ACSM4: variants seen among roughly 807,000 people sequenced by gnomAD.
ACSM4 encodes the protein acyl-CoA synthetase medium chain family member 4.
In ACSM4, 66 loss-of-function variants were observed where a neutral mutation model predicts 73.0. The observed-to-expected ratio is 0.90, with a 90% CI of 0.74 to 1.11. The LOEUF (loss-of-function observed/expected upper bound fraction) is 1.11, where lower values mean the gene tolerates loss of function less well. ACSM4 is among the 50% of genes least tolerant of loss of function. ACSM4 has a pLI of 0.00. For missense variants in ACSM4, 645 were observed against 714.4 expected, an observed-to-expected ratio of 0.90 and a Z score of 1.11; for synonymous variants, 222 against 254.0, an observed-to-expected ratio of 0.87 and a Z score of 1.20.
In ACSM4 at chr12:7,304,421, G is replaced by A. The variant is rs760878212; in HGVS notation, c.90G>A (p.Trp30Ter). 6.2e-7 allele frequency: 1 copy of A among 1,613,958 alleles called. No homozygotes were observed. Among genetic ancestry groups the A allele is most frequent in the East Asian group, 2.2e-5 (1 of 44,884 alleles). The change falls in exon 1 of 13, where the codon TGG becomes TGA. Residue 30 changes from tryptophan to a stop codon, truncating the protein, a stop_gained. Coordinates refer to ENST00000399422, the MANE Select transcript of ACSM4 (RefSeq NM_001080454.2). LOFTEE classifies it high-confidence loss of function. The part of the protein sequence containing the change: ...GRRLHKDHQL[W>*]TPLTLADFEA... ...GCTTACACAAAGATCACCAGCTTTG[G>A]ACGCCTCTGACTCTTGCTGACTTTG... is the stretch of plus-strand genomic sequence containing the variant.
chr12:7,323,809 G>A (rs1250691513), intron 9 of ACSM4, among the ~76,000 whole-genome samples: 1 of 152,210 alleles, frequency 6.6e-6, no homozygotes, highest in Admixed American at 6.5e-5. Flanking sequence ...GGGGGTGCTA[G>A]AGGTAGAAGA....
Position 7,304,304 on chromosome 12 carries a change from T to C in ACSM4, c.-28T>C, listed in dbSNP as rs771193975. The C allele has an allele frequency of 5.0e-6, 8 of 1,604,100 alleles. No individual in the cohort carries two copies. The highest frequency in any genetic ancestry group is 3.3e-5 in the South Asian group (3 of 90,838). Reference sequence around the variant, plus strand: ...ACAGGCTGTAGTACTTCTGTGTCCATAGCAGTAGACAAAGTCCTTTGGGAA... The same window carrying C: ...ACAGGCTGTAGTACTTCTGTGTCCACAGCAGTAGACAAAGTCCTTTGGGAA... On this transcript the variant is annotated 5_prime_UTR_variant, in exon 1 of 13. The change abolishes the stop of an existing upstream ORF in the 5' untranslated region. Transcript: ENST00000399422.
chr12:7,326,753 A>G (rs1390153004), intron 11 of ACSM4, among the ~76,000 whole-genome samples: 1 of 152,200 alleles, frequency 6.6e-6, no homozygotes, highest in Non-Finnish European at 1.5e-5. Flanking sequence ...GCTTTCTTGA[A>G]CTGCTGCACT....
intron 3 of ACSM4, among the ~76,000 whole-genome samples, chr12:7,312,329 G>A (rs1946395789): frequency 6.6e-6 from 1 of 152,162 alleles, no homozygotes; most frequent in South Asian, 2.1e-4. Flanking sequence ...TATCTCAAGT[G>A]TTGTTTTGAG....
intron 11 of ACSM4, among the ~76,000 whole-genome samples, chr12:7,325,105 G>C (rs1261650895): frequency 6.6e-6 from 1 of 152,202 alleles, no homozygotes; most frequent in African/African-American, 2.4e-5. Flanking sequence ...GCCTACCTTA[G>C]ATCACATCTC....
rs905195502 is a variant in ACSM4 at position 7,318,147 on chromosome 12, C to T, written c.886C>T (p.Arg296Ter). 2.1e-5 allele frequency: 34 copies of T among 1,613,516 alleles called. No homozygotes were observed. Among genetic ancestry groups the T allele is most frequent in the Non-Finnish European group, 2.4e-5 (28 of 1,179,820 alleles). Residue 296 changes from arginine (R) to a stop codon, truncating the protein, a stop_gained, in exon 5 of 13, where the codon CGA (arginine) becomes TGA (stop). Transcript: ENST00000399422. LOFTEE classifies it high-confidence loss of function. ...WLCGACVFVH[R>*]MAQFDTDTFL... is the part of the protein sequence containing the mutation. Reference sequence around the variant, plus strand: ...GTGTGGAGCCTGTGTTTTTGTGCATCGAATGGCACAGTTTGACACTGACAC... The same window carrying T: ...GTGTGGAGCCTGTGTTTTTGTGCATTGAATGGCACAGTTTGACACTGACAC...
At position 7,327,006 on chromosome 12, in the gene ACSM4, C is replaced by T; in HGVS notation, c.1567C>T (p.Pro523Ser). The T allele has an allele frequency of 6.2e-7, 1 of 1,612,238 alleles. No individual in the cohort carries two copies. The highest frequency in any genetic ancestry group is 8.5e-7 in the Non-Finnish European group (1 of 1,179,318). ...GAAAGCTTTTGTTGTCTTAGCTGCACCCTTTAAGTCCTACAACCCAGAGAA... is the reference window on the plus strand; with the variant it reads ...GAAAGCTTTTGTTGTCTTAGCTGCATCCTTTAAGTCCTACAACCCAGAGAA... ...VVKAFVVLAA[P>S]FKSYNPEKLT... Residue 523 changes from proline to serine, a missense_variant, in exon 12 of 13, where the codon CCC (proline) becomes TCC (serine). Coordinates refer to ENST00000399422, the MANE Select transcript of ACSM4 (RefSeq NM_001080454.2).
At chr12:7,325,674 T>C (rs1946498452) in intron 11 of ACSM4, among the ~76,000 whole-genome samples, 2 of 151,994 alleles carry the variant, frequency 1.3e-5, no homozygotes, top group Admixed American at 6.6e-5. Context: ...GAAACAAAAC[T>C]GTGGCCAGGT....
rs1180837169 is a variant in ACSM4, at chr12:7,304,484, C to T, written c.153C>T (p.Asn51=). 3 of 1,613,858 alleles carry T rather than the reference C, an allele frequency of 1.9e-6. No individual in the cohort carries two copies. Among genetic ancestry groups the T allele is most frequent in the Admixed American group, 3.3e-5 (2 of 60,006 alleles). ...INRCNRPLPK[N]FNFAADVLDQ... is the part of the protein sequence containing the mutation. ...GCTGTAACAGGCCATTGCCTAAAAA[C>T]TTTAACTTTGCTGCAGATGTGCTGG... The change falls in exon 1 of 13, where the codon AAC becomes AAT. Residue 51 remains asparagine (N), a synonymous_variant. Coordinates refer to ENST00000399422, the MANE Select transcript of ACSM4 (RefSeq NM_001080454.2).
intron 2 of ACSM4, among the ~76,000 whole-genome samples, chr12:7,308,251 T>C (rs898826472): frequency 3.3e-5 from 5 of 152,194 alleles, no homozygotes; most frequent in Non-Finnish European, 7.4e-5. Context: ...CAGTTGTGGA[T>C]TGAGAGTAGA....
At chr12:7,318,297 C>A in intron 5 of ACSM4, 115 bp downstream of exon 5, 9 of 1,385,864 alleles carry the variant, frequency 6.5e-6, no homozygotes, top group Non-Finnish European at 8.8e-6. Context: ...GAAATCATTT[C>A]TTTATACAAA....
In ACSM4 at chr12:7,324,202, T is replaced by G; in HGVS notation, c.1309-71T>G. 2.6e-6 allele frequency: 4 copies of G among 1,558,654 alleles called. 1 individual carries two copies. Among genetic ancestry groups the G allele is most frequent in the Non-Finnish European group, 3.5e-6 (4 of 1,146,220 alleles). ...ATAAGTAGGATGTGTAATGTACTAG[T>G]CACTTAATGAGTGCCATACCCATCT... is the stretch of plus-strand genomic sequence containing the variant. On this transcript the variant is annotated intron_variant, in intron 9 of 12. Coordinates refer to ENST00000399422, the MANE Select transcript of ACSM4 (RefSeq NM_001080454.2).
At chr12:7,324,174 T>A in intron 9 of ACSM4, 99 bp from the exon 10 acceptor site, 1 of 1,409,212 alleles carries the variant, frequency 7.1e-7, no homozygotes, top group Non-Finnish European at 9.5e-7. Context: ...AAAAATTTCC[T>A]ATATAAGTAG....
chr12:7,321,394 G>A (rs1946462658), intron 6 of ACSM4, among the ~76,000 whole-genome samples: 2 of 152,172 alleles, frequency 1.3e-5, no homozygotes, highest in Non-Finnish European at 2.9e-5. Flanking sequence ...GGAGAGAAAG[G>A]AATAGAGGAG....
At chr12:7,318,888 TG>T (rs1201206391) in intron 5 of ACSM4, among the ~76,000 whole-genome samples, 25 of 152,216 alleles carry the variant, frequency 1.6e-4, no homozygotes, top group African/African-American at 4.8e-5. Flanking sequence ...TCTGACAAGA[TG>T]GTTTAAGGCA....
In ACSM4 at chr12:7,323,218, CTTGTCCTCTCA is replaced by C. The variant is rs1451495874; in HGVS notation, c.1126-15_1126-5del. On this transcript the variant is annotated splice_region_variant and splice_polypyrimidine_tract_variant and intron_variant, in intron 7 of 12. Transcript: ENST00000399422. ...TAAACTTTTGTATACTTATACAAAG[CTTGTCCTCTCA>C]ATAGGGAATGATTTGTGCCAATCAG... is the stretch of plus-strand genomic sequence containing the variant. 1 of 1,595,360 alleles carries C rather than the reference CTTGTCCTCTCA, an allele frequency of 6.3e-7. No individual in the cohort carries two copies. Among genetic ancestry groups the C allele is most frequent in the Admixed American group, 1.7e-5 (1 of 57,638 alleles).
intron 3 of ACSM4, among the ~76,000 whole-genome samples, chr12:7,314,205 G>A (rs984682312): frequency 6.6e-6 from 1 of 152,092 alleles, no homozygotes; most frequent in South Asian, 2.1e-4. Context: ...TTGGTAGGTG[G>A]GTACCATCAG....
In ACSM4 at chr12:7,318,064, A is replaced by C. The variant is rs747369989; in HGVS notation, c.803A>C (p.Asn268Thr). ...LDLKSSDIIW[N>T]MSDTGWVKAA... ...TTGAAGTCCTCAGATATCATATGGA[A>C]TATGTCTGACACGGGCTGGGTCAAG... is the stretch of plus-strand genomic sequence containing the variant. The change falls in exon 5 of 13, where the codon AAT becomes ACT. Residue 268 changes from asparagine to threonine, a missense_variant. Asn to Thr is a moderately conservative substitution (Grantham distance 65). Coordinates refer to ENST00000399422, the MANE Select transcript of ACSM4 (RefSeq NM_001080454.2). 6.2e-7 allele frequency: 1 copy of C among 1,613,634 alleles called. No homozygotes were observed. Among genetic ancestry groups the C allele is most frequent in the Non-Finnish European group, 8.5e-7 (1 of 1,179,816 alleles).
At position 7,327,220 on chromosome 12, in the gene ACSM4, G is replaced by A. The variant is rs1946514328; in HGVS notation, c.1656+125G>A. ...ATAGGTAGAAGACACTTTTCAATTT[G>A]TTTAACCCTAAGAATTTTGCTTTAA... On this transcript the variant is annotated intron_variant, in intron 12 of 12. Transcript: ENST00000399422. 4 of 1,199,550 alleles carry A rather than the reference G, an allele frequency of 3.3e-6. No individual in the cohort carries two copies. The African/African-American group carries it at 4.7e-5, about 14-fold the overall frequency. 74.3% of individuals were successfully genotyped at this position (1,199,550 alleles called of 1,614,324 possible). A position where few individuals can be genotyped will look rare whatever the true frequency, so the allele number is the denominator to read the frequency against.
Sources: gnomAD v4.1 joint callset for allele counts (sites outside exome capture counted in the v4.1 genomes callset) on GRCh38, gnomAD v4.1.1 for gene constraint, MANE v1.5 for transcripts, NCBI Gene and HGNC (gene_info 2026-07-23, HGNC 2026-07-21) for gene names.